CFAP77: variants seen among roughly 807,000 people sequenced by gnomAD.
The protein encoded by CFAP77 is cilia- and flagella-associated protein 77.
A neutral mutation model predicts 31.1 loss-of-function variants in CFAP77; 25 were observed. The observed-to-expected ratio is 0.80, with a 90% confidence interval of 0.59 to 1.12. CFAP77 has a LOEUF of 1.12. Among genes scored for constraint, CFAP77 ranks in the 50% most tolerant of loss-of-function variants. The pLI is 0.00. For missense variants in CFAP77, 377 were observed against 397.3 expected (o/e 0.95, Z 0.44); for synonymous variants, 151 against 159.9 (o/e 0.94, Z 0.42).
intron 1 of CFAP77, among the ~76,000 whole-genome samples, chr9:132,414,129 G>C (rs1445705876): frequency 6.6e-6 from 1 of 152,226 alleles, no homozygotes; most frequent in African/African-American, 2.4e-5. Flanking sequence ...TGACAATCCA[G>C]ATTGGTGACA....
At chr9:132,558,813 G>A (rs1325919418) in intron 5 of CFAP77, among the ~76,000 whole-genome samples, 1 of 139,726 alleles carries the variant, frequency 7.2e-6, no homozygotes, top group Non-Finnish European at 1.5e-5. Context: ...GGGAGTTCGA[G>A]ACCAGCCTGA....
intron 1 of CFAP77, among the ~76,000 whole-genome samples, chr9:132,458,944 A>G (rs1850978108): frequency 1.3e-5 from 2 of 152,224 alleles, no homozygotes; most frequent in African/African-American, 4.8e-5. Flanking sequence ...AGGGGTGAGG[A>G]TAGTCGCAGA....
chr9:132,571,023 A>C, intron 5 of CFAP77, among the ~76,000 whole-genome samples: 1 of 150,268 alleles, frequency 6.7e-6, no homozygotes, highest in Admixed American at 6.6e-5. Flanking sequence ...TCTTCCCTCT[A>C]CCCCCTTTTA....
Position 132,530,550 on chromosome 9 carries a change from C to T in CFAP77, c.525-7051C>T, listed in dbSNP as rs1296920626. ...TCGGCCTCCCAAACTGCTGAGATTA[C>T]AGGCGTGAGCCATCATGCCTGGCCA... On this transcript the variant is annotated intron_variant, in intron 3 of 5. Coordinates refer to ENST00000393216, the MANE Select transcript of CFAP77 (RefSeq NM_001282957.2). 2.0e-5 allele frequency among the ~76,000 whole-genome samples: 3 copies of T among 152,222 alleles called. No individual in the cohort carries two copies. The East Asian group carries it at 5.8e-4, about 29-fold the overall frequency.
At chr9:132,464,623 C>T (rs746255583) in intron 1 of CFAP77, among the ~76,000 whole-genome samples, 8 of 152,280 alleles carry the variant, frequency 5.3e-5, no homozygotes, top group South Asian at 2.1e-4. Flanking sequence ...TTAATGAGCC[C>T]GTTTTCCATT....
chr9:132,557,876 ACGTGTAGATGT>A (rs1169469571), intron 5 of CFAP77, among the ~76,000 whole-genome samples: 1 of 152,186 alleles, frequency 6.6e-6, no homozygotes. Context: ...GGGCAGAGGA[ACGTGTAGATGT>A]CTCCTCCCCC....
At chr9:132,572,348 A>C (rs1252381594) in intron 5 of CFAP77, 40 bp from the exon 6 acceptor site, 2 of 1,600,658 alleles carry the variant, frequency 1.2e-6, no homozygotes, top group East Asian at 2.2e-5. Flanking sequence ...GCTACACTGA[A>C]GTCTCCCCTC....
chr9:132,428,772 C>T (rs938082445), intron 1 of CFAP77, among the ~76,000 whole-genome samples: 1 of 151,910 alleles, frequency 6.6e-6, no homozygotes, highest in African/African-American at 2.4e-5. Flanking sequence ...GGAACACACC[C>T]AGGTCCCAAG....
intron 3 of CFAP77, chr9:132,513,462 G>A (rs1852077148): frequency 2.2e-6 from 3 of 1,334,654 alleles, no homozygotes; most frequent in Non-Finnish European, 2.0e-6. Context: ...CTTCCCTGAG[G>A]ACCCTCCCGA....
rs1227506184 is a variant in CFAP77 at position 132,537,687 on chromosome 9, A to G, written c.611A>G (p.Lys204Arg). ...CAAAAGGCCACCCAGAAAGCCATCA[A>G]ACTGGAGAAGAAGCAGAAGGTAAAT... Reference protein sequence around the residue: ...QEQKATQKAIKLEKKQKVVLG... With the variant: ...QEQKATQKAIRLEKKQKVVLG... The change falls in exon 4 of 6, where the codon AAA becomes AGA. Residue 204 changes from lysine (K) to arginine (R), a missense_variant. Transcript: ENST00000393216. 6.2e-7 allele frequency: 1 copy of G among 1,613,476 alleles called. No individual in the cohort carries two copies. The highest frequency in any genetic ancestry group is 1.7e-5 in the Admixed American group (1 of 59,954).
At chr9:132,487,204 C>T (rs997391071) in intron 1 of CFAP77, among the ~76,000 whole-genome samples, 46 of 152,172 alleles carry the variant, frequency 3.0e-4, no homozygotes, top group Non-Finnish European at 1.2e-4. Context: ...CATACAGCGT[C>T]GGGAGGTTTT....
intron 3 of CFAP77, among the ~76,000 whole-genome samples, chr9:132,515,586 G>A (rs1188007079): frequency 2.6e-5 from 4 of 152,192 alleles, no homozygotes; most frequent in Admixed American, 6.5e-5. Context: ...GGCCTGATGG[G>A]CGGGCTGGTC....
intron 5 of CFAP77, among the ~76,000 whole-genome samples, chr9:132,568,448 C>T (rs1171698327): frequency 1.3e-5 from 2 of 149,930 alleles, no homozygotes; most frequent in Non-Finnish European, 3.0e-5. Context: ...TCCAGCTACT[C>T]GGGAGGCTGA....
In CFAP77 at chr9:132,513,910, T is replaced by A. The variant is rs114869957; in HGVS notation, c.524+14310T>A. Among the ~76,000 whole-genome samples the A allele has an allele frequency of 4.4e-3, 546 of 123,378 alleles. 6 individuals are homozygous for A. The highest frequency in any genetic ancestry group is 6.6e-3 in the East Asian group (23 of 3,496). The allele number at this position is 123,378 out of a possible 152,430, so 80.9% of individuals were successfully genotyped here. ...CTCTGTGTCATTGACCACGGGTGAC[T>A]GTGAGGAGATGACCCTTCCCCTGTA... On this transcript the variant is annotated intron_variant, in intron 3 of 5. Transcript: ENST00000393216.
chr9:132,551,185 G>C (rs2119082292), intron 5 of CFAP77, among the ~76,000 whole-genome samples: 1 of 152,138 alleles, frequency 6.6e-6, no homozygotes, highest in South Asian at 2.1e-4. Flanking sequence ...GAGTGGAGGG[G>C]AGAAGTTATC....
chr9:132,529,751 G>A (rs1377302149), intron 3 of CFAP77, among the ~76,000 whole-genome samples: 2 of 151,386 alleles, frequency 1.3e-5, no homozygotes, highest in Non-Finnish European at 1.5e-5. Context: ...GCTTGAACCC[G>A]GGAGGCAGAG....
At chr9:132,488,506 G>T (rs1028741592) in intron 1 of CFAP77, among the ~76,000 whole-genome samples, 1 of 152,220 alleles carries the variant, frequency 6.6e-6, no homozygotes, top group Non-Finnish European at 1.5e-5. Flanking sequence ...AAGTAGATTG[G>T]GTGGGAAATG....
chr9:132,544,871 G>A lies in CFAP77; in HGVS notation c.732+1824G>A, dbSNP rs115652015. Among the ~76,000 whole-genome samples the A allele has an allele frequency of 5.6e-3, 846 of 152,228 alleles. 7 individuals are homozygous for A. The highest frequency in any genetic ancestry group is 0.02 in the African/African-American group (821 of 41,544). ...GCCTGAGGAGGGACTGGGACCCAGC[G>A]TTCCACTGGCATGGGCTGCCCTCTG... On this transcript the variant is annotated intron_variant, in intron 5 of 5. Coordinates refer to ENST00000393216, the MANE Select transcript of CFAP77 (RefSeq NM_001282957.2).
At chr9:132,472,063 A>G (rs1851268784) in intron 1 of CFAP77, among the ~76,000 whole-genome samples, 1 of 152,110 alleles carries the variant, frequency 6.6e-6, no homozygotes, top group African/African-American at 2.4e-5. Flanking sequence ...GCAGCCCAGC[A>G]CCTGTGCAGA....
Sources: allele counts gnomAD v4.1 joint callset (sites outside exome capture counted in the v4.1 genomes callset), GRCh38; gene constraint gnomAD v4.1.1; transcripts MANE v1.5; gene names NCBI Gene and HGNC (gene_info 2026-07-23, HGNC 2026-07-21).